Variants in ZSWIM6 observed in about 807,000 individuals in gnomAD.
ZSWIM6 encodes zinc finger SWIM-type containing 6.
In ZSWIM6, 9 loss-of-function variants were observed where a neutral mutation model predicts 113.2. The observed-to-expected ratio is 0.08, with a 90% CI of 0.05 to 0.14. The LOEUF is 0.14. ZSWIM6 is among the 10% of genes least tolerant of loss of function. ZSWIM6 has a pLI of 1.00. For missense variants in ZSWIM6, 1,162 were observed against 1,552.2 expected, an observed-to-expected ratio of 0.75 and a Z score of 4.22; for synonymous variants, 611 against 606.5, an observed-to-expected ratio of 1.01 and a Z score of -0.11.
chr5:61,474,484 T>C (rs549956695), intron 2 of ZSWIM6, among the ~76,000 whole-genome samples: 2 of 152,320 alleles, frequency 1.3e-5, no homozygotes, highest in Admixed American at 6.5e-5. Context: ...TTTCTTTAGC[T>C]CAATATATCT....
intron 2 of ZSWIM6, among the ~76,000 whole-genome samples, chr5:61,488,817 T>C (rs1016506771): frequency 6.6e-6 from 1 of 152,018 alleles, no homozygotes; most frequent in Non-Finnish European, 1.5e-5. Context: ...CCTGGATATC[T>C]TTCCATTGTA....
At chr5:61,333,015 G>C (rs1421530893) in intron 1 of ZSWIM6, 67 bp downstream of exon 1, 4 of 1,105,790 alleles carry the variant, frequency 3.6e-6, no homozygotes, top group Non-Finnish European at 4.5e-6. Flanking sequence ...GGGGGTGCCC[G>C]CCTTTCTCCT....
chr5:61,348,096 C>T (rs895737172), intron 1 of ZSWIM6, among the ~76,000 whole-genome samples: 1 of 152,090 alleles, frequency 6.6e-6, no homozygotes, highest in Non-Finnish European at 1.5e-5. Context: ...TGGCGGGCGC[C>T]TGTAGTCCCA....
intron 1 of ZSWIM6, among the ~76,000 whole-genome samples, chr5:61,351,994 C>T (rs1040147818): frequency 2.0e-5 from 3 of 152,152 alleles, no homozygotes; most frequent in Non-Finnish European, 2.9e-5. Flanking sequence ...CTGTGCAGAA[C>T]CTTCAGTGGC....
chr5:61,529,990 C>T, intron 7 of ZSWIM6, 62 bp from the exon 8 acceptor site: 3 of 1,404,516 alleles, frequency 2.1e-6, no homozygotes, highest in South Asian at 1.5e-5. Context: ...TCTGTTTTCC[C>T]CACTTCTTTC....
chr5:61,409,477 G>A (rs1005466382), intron 1 of ZSWIM6, among the ~76,000 whole-genome samples: 1 of 152,212 alleles, frequency 6.6e-6, no homozygotes, highest in African/African-American at 2.4e-5. Context: ...GCGCAAGATA[G>A]TTTTGGGTTA....
chr5:61,519,028 C>A (rs1361965640), intron 4 of ZSWIM6, among the ~76,000 whole-genome samples: 2 of 152,050 alleles, frequency 1.3e-5, no homozygotes, highest in Non-Finnish European at 2.9e-5. Flanking sequence ...TTTCCCAGCA[C>A]CATTTATTAA....
intron 1 of ZSWIM6, among the ~76,000 whole-genome samples, chr5:61,365,704 T>C (rs962900188): frequency 6.6e-5 from 10 of 152,228 alleles, no homozygotes; most frequent in African/African-American, 2.4e-4. Context: ...GTTTGTCTAA[T>C]GGGCTCATCA....
chr5:61,355,826 T>A (rs1466584538), intron 1 of ZSWIM6, among the ~76,000 whole-genome samples: 2 of 152,192 alleles, frequency 1.3e-5, no homozygotes, highest in African/African-American at 2.4e-5. Flanking sequence ...GAAATGATAA[T>A]ATTTGTGTTA....
At chr5:61,438,349 C>G (rs544338735) in intron 1 of ZSWIM6, among the ~76,000 whole-genome samples, 1 of 152,300 alleles carries the variant, frequency 6.6e-6, no homozygotes, top group East Asian at 1.9e-4. Context: ...TTTCTTCCCC[C>G]ACCTCATGAC....
intron 4 of ZSWIM6, among the ~76,000 whole-genome samples, chr5:61,503,915 T>C (rs1195738723): frequency 6.6e-6 from 1 of 152,218 alleles, no homozygotes; most frequent in Non-Finnish European, 1.5e-5. Context: ...TTTTTATTCC[T>C]GTATTAATGT....
At chr5:61,335,367 C>T (rs1744370096) in intron 1 of ZSWIM6, among the ~76,000 whole-genome samples, 1 of 152,206 alleles carries the variant, frequency 6.6e-6, no homozygotes, top group Non-Finnish European at 1.5e-5. Context: ...TTGTGCCAGT[C>T]AGCTTTAGAG....
rs1244037518 is a variant in ZSWIM6 at position 61,453,192 on chromosome 5, CT to C, written c.677-19482del. Reference sequence around the variant, plus strand: ...TGCTTTCCATGCTTTTTTCTTTTTCCTTTTTTTAGTTTATTGTTTTTAATCG... The same window carrying C: ...TGCTTTCCATGCTTTTTTCTTTTTCCTTTTTTAGTTTATTGTTTTTAATCG... On this transcript the variant is annotated intron_variant, in intron 1 of 13. Coordinates refer to ENST00000252744, the MANE Select transcript of ZSWIM6 (RefSeq NM_020928.2). Among the ~76,000 whole-genome samples, 6 of 151,854 alleles carry C rather than the reference CT, an allele frequency of 4.0e-5. No individual in the cohort carries two copies. In the South Asian group the frequency reaches 1.0e-3, roughly 26 times the overall value.
At chr5:61,386,139 T>C (rs1430361362) in intron 1 of ZSWIM6, among the ~76,000 whole-genome samples, 1 of 152,262 alleles carries the variant, frequency 6.6e-6, no homozygotes, top group Non-Finnish European at 1.5e-5. Flanking sequence ...CTCTCCTGCA[T>C]ACATTCCAAA....
chr5:61,419,743 C>T (rs1403312905), intron 1 of ZSWIM6, among the ~76,000 whole-genome samples: 1 of 152,184 alleles, frequency 6.6e-6, no homozygotes, highest in Non-Finnish European at 1.5e-5. Flanking sequence ...TCCTGAAAGG[C>T]TTTTTTCTTC....
At chr5:61,335,033 G>A (rs890245828) in intron 1 of ZSWIM6, among the ~76,000 whole-genome samples, 2 of 152,234 alleles carry the variant, frequency 1.3e-5, no homozygotes, top group Non-Finnish European at 2.9e-5. Context: ...AAGCCAAGGG[G>A]CGATAAATAA....
At chr5:61,334,538 T>C (rs1579935940) in intron 1 of ZSWIM6, among the ~76,000 whole-genome samples, 1 of 152,166 alleles carries the variant, frequency 6.6e-6, no homozygotes, top group Admixed American at 6.5e-5. Flanking sequence ...CTGGATAGGG[T>C]CCCCAAGAAA....
In ZSWIM6 at chr5:61,539,750, G is replaced by A. The variant is rs1481905473; in HGVS notation, c.2694G>A (p.Leu898=). The A allele has an allele frequency of 1.3e-6, 2 of 1,550,922 alleles. No individual in the cohort carries two copies. The highest frequency in any genetic ancestry group is 2.7e-5 in the African/African-American group (2 of 73,136). The change falls in exon 12 of 14, where the codon CTG becomes CTA. Residue 898 remains leucine, a synonymous_variant. Transcript: ENST00000252744. ...DITLLKVSLE[L]GLQVMRMTLS... ...CTCTTTTGAAAGTGTCTCTGGAGCT[G>A]GGCCTGCAGGTACATGACTGGTAGT...
At chr5:61,481,164 T>C (rs560761334) in intron 2 of ZSWIM6, among the ~76,000 whole-genome samples, 1 of 152,300 alleles carries the variant, frequency 6.6e-6, no homozygotes, top group African/African-American at 2.4e-5. Flanking sequence ...TTTGAATTTG[T>C]TTTCCAGCAA....
Sources: gnomAD v4.1 joint callset for allele counts (sites outside exome capture counted in the v4.1 genomes callset) on GRCh38, gnomAD v4.1.1 for gene constraint, MANE v1.5 for transcripts, NCBI Gene and HGNC (gene_info 2026-07-23, HGNC 2026-07-21) for gene names.